Variants in TBCE observed in about 807,000 individuals in gnomAD.
The protein encoded by TBCE is tubulin-specific chaperone E.
A neutral mutation model predicts 77.0 loss-of-function variants in TBCE; 53 were observed. The ratio of observed to expected loss-of-function variants is 0.69; its 90% CI spans 0.55 to 0.87. TBCE has a LOEUF of 0.87. Ranked by LOEUF, TBCE falls within the 40% of genes least tolerant of loss-of-function variation. TBCE has a pLI of 0.00. For synonymous variants in TBCE, 235 were observed against 241.3 expected, an observed-to-expected ratio of 0.97 and a Z score of 0.24; for missense variants, 624 against 622.4, an observed-to-expected ratio of 1.00 and a Z score of -0.03.
intron 15 of TBCE, chr1:235,443,113 A>C: frequency 5.0e-6 from 3 of 598,270 alleles, no homozygotes; most frequent in Non-Finnish European, 8.9e-6. Context: ...GTCTCCCCTA[A>C]CTTTATCAGC....
chr1:235,371,043 T>TTTTTG, intron 1 of TBCE, among the ~76,000 whole-genome samples: 1 of 72,600 alleles, frequency 1.4e-5, no homozygotes, highest in Non-Finnish European at 2.5e-5. Flanking sequence ...CCTGGCTTTT[T>TTTTTG]TTTTTTTTTT....
At chr1:235,430,447 C>G in intron 6 of TBCE, 3 of 365,424 alleles carry the variant, frequency 8.2e-6, no homozygotes, top group South Asian at 7.3e-5. Context: ...AAGCCTACAG[C>G]CGCATACAGG....
chr1:235,375,404 G>T (rs1253867643), intron 1 of TBCE, among the ~76,000 whole-genome samples: 1 of 152,112 alleles, frequency 6.6e-6, no homozygotes, highest in Non-Finnish European at 1.5e-5. Context: ...AGGTGATTAG[G>T]AGAGGGCCCA....
At chr1:235,439,227 C>G (rs905960430) in intron 13 of TBCE, among the ~76,000 whole-genome samples, 1 of 151,480 alleles carries the variant, frequency 6.6e-6, no homozygotes, top group African/African-American at 2.4e-5. Context: ...CGCGGTGGCT[C>G]AGGCCTGTAA....
chr1:235,374,197 C>T (rs1677152013), intron 1 of TBCE, among the ~76,000 whole-genome samples: 1 of 144,970 alleles, frequency 6.9e-6, no homozygotes, highest in South Asian at 2.2e-4. Context: ...CTCAGATAAT[C>T]CACCCTCCTC....
At chr1:235,398,971 T>G (rs1678920542) in intron 2 of TBCE, among the ~76,000 whole-genome samples, 1 of 150,734 alleles carries the variant, frequency 6.6e-6, no homozygotes, top group Admixed American at 6.6e-5. Flanking sequence ...TTTTCTTTTT[T>G]GAGACAGAGT....
Position 235,373,815 on chromosome 1 carries a change from A to AT in TBCE, c.-31-6197dup, listed in dbSNP as rs1288730302. On this transcript the variant is annotated intron_variant, in intron 1 of 16. Transcript: ENST00000642610. Reference sequence around the variant, plus strand: ...AAGCGCCCGCCACCACGCCTGGCTAATTTTTTTGTATTTTTAGTAGAGACG... The same window carrying AT: ...AAGCGCCCGCCACCACGCCTGGCTAATTTTTTTTGTATTTTTAGTAGAGACG... 2.2e-5 allele frequency among the ~76,000 whole-genome samples: 3 copies of AT among 136,976 alleles called. 1 individual carries two copies. The highest frequency in any genetic ancestry group is 2.2e-4 in the South Asian group (1 of 4,516). 89.9% of individuals were successfully genotyped at this position (136,976 alleles called of 152,430 possible). A position where few individuals can be genotyped will look rare whatever the true frequency, so the allele number is the denominator to read the frequency against.
intron 2 of TBCE, among the ~76,000 whole-genome samples, chr1:235,389,513 G>T (rs1486184836): frequency 6.6e-6 from 1 of 151,816 alleles, no homozygotes; most frequent in Non-Finnish European, 1.5e-5. Flanking sequence ...TGGTTTTTTT[G>T]GTAGAAACGG....
intron 3 of TBCE, among the ~76,000 whole-genome samples, chr1:235,413,363 TAAAA>T (rs869060658): frequency 1.4e-5 from 2 of 138,430 alleles, no homozygotes; most frequent in South Asian, 2.3e-4. Context: ...CCCCTTTCTT[TAAAA>T]AAAAAAAAAA....
At position 235,380,110 on chromosome 1, in the gene TBCE, G is replaced by T. The variant is rs893747796; in HGVS notation, c.61G>T (p.Ala21Ser). ...AAGAGTTGAAGTTAATGGAGAACAT[G>T]CAACAGTACGTTTTGCTGGTGTTGT... ...GRRVEVNGEHATVRFAGVVPP... is the reference protein window; with the variant it reads ...GRRVEVNGEHSTVRFAGVVPP... Residue 21 changes from alanine (A) to serine (S), a missense_variant, in exon 2 of 17, where the codon GCA (alanine) becomes TCA (serine). Transcript: ENST00000642610. 4 of 1,612,854 alleles carry T rather than the reference G, an allele frequency of 2.5e-6. No homozygotes were observed. The South Asian group carries it at 4.4e-5, about 18-fold the overall frequency.
At chr1:235,418,721 G>A (rs928501707) in intron 4 of TBCE, among the ~76,000 whole-genome samples, 1 of 152,204 alleles carries the variant, frequency 6.6e-6, no homozygotes, top group African/African-American at 2.4e-5. Context: ...ATGTGTCACC[G>A]TAGTGAAATC....
At chr1:235,396,433 A>G (rs1296901222) in intron 2 of TBCE, among the ~76,000 whole-genome samples, 2 of 152,144 alleles carry the variant, frequency 1.3e-5, no homozygotes, top group East Asian at 3.8e-4. Context: ...GCTATTTTGA[A>G]TAGTGCTGCA....
Position 235,414,550 on chromosome 1 carries a change from G to T in TBCE, c.303G>T (p.Glu101Asp), listed in dbSNP as rs1422621609. The T allele has an allele frequency of 6.2e-7, 1 of 1,613,850 alleles. No homozygotes were observed. The highest frequency in any genetic ancestry group is 1.1e-5 in the South Asian group (1 of 91,068). The change falls in exon 4 of 17, where the codon GAG (glutamate) becomes GAT (aspartate). Residue 101 changes from glutamate (E) to aspartate (D), a missense_variant. Glu to Asp is a conservative substitution (Grantham distance 45). Transcript: ENST00000642610. ...ATGGACCAGAGGAAGATAGAAAAGA[G>T]CAAATTGTTACAATTGGAAATAAAC... ...LEDGPEEDRK[E>D]QIVTIGNKPV...
intron 2 of TBCE, among the ~76,000 whole-genome samples, chr1:235,399,102 C>T (rs929517177): frequency 6.6e-6 from 1 of 151,974 alleles, no homozygotes; most frequent in Non-Finnish European, 1.5e-5. Context: ...CACAGGCATG[C>T]ACCACCATGC....
chr1:235,423,299 GGT>G (rs1358740868), intron 5 of TBCE, among the ~76,000 whole-genome samples: 1 of 152,030 alleles, frequency 6.6e-6, no homozygotes, highest in Non-Finnish European at 1.5e-5. Flanking sequence ...CTCCTTGAAC[GGT>G]GTGTGTGGGA....
intron 16 of TBCE, 57 bp from the exon 17 acceptor site, chr1:235,448,613 C>T: frequency 6.8e-7 from 1 of 1,479,260 alleles, no homozygotes; most frequent in Non-Finnish European, 9.5e-7. Context: ...GTATGTGTAG[C>T]ATGCTTTATC....
Position 235,438,807 on chromosome 1 carries a change from C to A in TBCE, c.1155C>A (p.Tyr385Ter). The part of the protein sequence containing the change: ...PEERRRAELD[Y>*]RKAFGNEWKQ... ...AGAGGCGGAGAGCTGAGCTTGACTA[C>A]CGAAAAGCTTTTGGAAATGAGTGGA... is the stretch of plus-strand genomic sequence containing the variant. The change falls in exon 13 of 17, where the codon TAC (tyrosine) becomes TAA (stop). Residue 385 changes from tyrosine (Y) to a stop codon, truncating the protein, a stop_gained. Transcript: ENST00000642610. LOFTEE classifies it high-confidence loss of function. 6.2e-7 allele frequency: 1 copy of A among 1,614,084 alleles called. No individual in the cohort carries two copies. Among genetic ancestry groups the A allele is most frequent in the Non-Finnish European group, 8.5e-7 (1 of 1,180,016 alleles).
At chr1:235,389,683 T>C (rs781746705) in intron 2 of TBCE, among the ~76,000 whole-genome samples, 2 of 151,980 alleles carry the variant, frequency 1.3e-5, no homozygotes, top group Non-Finnish European at 1.5e-5. Context: ...TGCACAGAAA[T>C]TGAACACAGA....
chr1:235,424,030 T>A (rs1270957587), intron 5 of TBCE, among the ~76,000 whole-genome samples: 2 of 152,230 alleles, frequency 1.3e-5, no homozygotes, highest in African/African-American at 4.8e-5. Flanking sequence ...GTGATGCCAC[T>A]GTTTTTGTAA....
Sources: allele counts gnomAD v4.1 joint callset (sites outside exome capture counted in the v4.1 genomes callset), GRCh38; gene constraint gnomAD v4.1.1; transcripts MANE v1.5; gene names NCBI Gene and HGNC (gene_info 2026-07-23, HGNC 2026-07-21).